Variants in MAP3K11 observed in about 807,000 individuals in gnomAD.
The protein encoded by MAP3K11 is SH3 domain-containing proline-rich kinase.
Under a neutral mutation model 84.9 loss-of-function variants are expected in MAP3K11, and 46 were observed. That is an observed-to-expected ratio of 0.54 (90% CI 0.43 to 0.69). The LOEUF is 0.69. Ranked by LOEUF, MAP3K11 falls within the 30% of genes least tolerant of loss-of-function variation. MAP3K11 has a pLI of 0.00. For missense variants in MAP3K11, 1,053 were observed against 1,198.3 expected, an observed-to-expected ratio of 0.88 and a Z score of 1.79; for synonymous variants, 527 against 514.7, an observed-to-expected ratio of 1.02 and a Z score of -0.32.
rs1590856868 is a variant in MAP3K11, at chr11:65,607,279, T to C, written c.1480A>G (p.Met494Val). 2 of 1,519,790 alleles carry C rather than the reference T, an allele frequency of 1.3e-6. No homozygotes were observed. The highest frequency in any genetic ancestry group is 1.8e-6 in the Non-Finnish European group (2 of 1,142,840). The allele number at this position is 1,519,790 out of a possible 1,614,324, so 94.1% of individuals were successfully genotyped here. A position where few individuals can be genotyped will look rare whatever the true frequency, so the allele number is the denominator to read the frequency against. Residue 494 changes from methionine to valine, a missense_variant, in exon 5 of 10, where the codon ATG (methionine) becomes GTG (valine). By Grantham distance (21) the Met-to-Val change is conservative (BLOSUM62 1). Transcript: ENST00000309100. ...GGGGCCCGGCCCTCACCGAGTGGCA[T>C]GCTGATACGCTCGCCGCCGTCGCGC... Reference protein sequence around the residue: ...RARDGGERISMPLDFKHRITV... With the variant: ...RARDGGERISVPLDFKHRITV...
In MAP3K11 at chr11:65,613,359, CTGTACACCT is replaced by C; in HGVS notation, c.389_397del (p.Lys130_Tyr132del). 6.2e-7 allele frequency: 1 copy of C among 1,613,066 alleles called. No individual in the cohort carries two copies. The highest frequency in any genetic ancestry group is 8.5e-7 in the Non-Finnish European group (1 of 1,179,932). ...CACCAGCTCACCTCGCCAGCTGCCCCTGTACACCTTGCCAAAGCCTCCAATGCCGATCAC... is the reference window on the plus strand; with the variant it reads ...CACCAGCTCACCTCGCCAGCTGCCCCTGCCAAAGCCTCCAATGCCGATCAC... On this transcript the variant is annotated inframe_deletion, in exon 1 of 10. Coordinates refer to ENST00000309100, the MANE Select transcript of MAP3K11 (RefSeq NM_002419.4).
At chr11:65,601,780 G>C (rs1854458542) in intron 8 of MAP3K11, among the ~76,000 whole-genome samples, 1 of 149,850 alleles carries the variant, frequency 6.7e-6, no homozygotes, top group Non-Finnish European at 1.5e-5. Flanking sequence ...GCAAATTCTT[G>C]TTTGATGAAG....
intron 9 of MAP3K11, among the ~76,000 whole-genome samples, chr11:65,599,189 G>GCCC (rs1356933289): frequency 6.6e-6 from 1 of 152,162 alleles, no homozygotes; most frequent in Admixed American, 6.5e-5. Context: ...AGCAGGCATC[G>GCCC]CCCCCACCTG....
rs1435464478 is a variant in MAP3K11, at chr11:65,613,767, C to T, written c.-11G>A. ...CTTCAAGGGCTCCATGGCCGGGAGCCGGCGCTGGGATGTGTGGAGGACCTT... is the reference window on the plus strand; with the variant it reads ...CTTCAAGGGCTCCATGGCCGGGAGCTGGCGCTGGGATGTGTGGAGGACCTT... On this transcript the variant is annotated 5_prime_UTR_variant, in exon 1 of 10. Coordinates refer to ENST00000309100, the MANE Select transcript of MAP3K11 (RefSeq NM_002419.4). 6.5e-7 allele frequency: 1 copy of T among 1,536,084 alleles called. No individual in the cohort carries two copies. The highest frequency in any genetic ancestry group is 8.7e-7 in the Non-Finnish European group (1 of 1,144,222).
rs762110211 is a variant in MAP3K11 at position 65,613,559 on chromosome 11, G to C, written c.198C>G (p.Asp66Glu). 1.2e-6 allele frequency: 2 copies of C among 1,612,148 alleles called. No individual in the cohort carries two copies. Among genetic ancestry groups the C allele is most frequent in the South Asian group, 2.2e-5 (2 of 91,022 alleles). Reference sequence around the variant, plus strand: ...CGTCCCGGGACAGCACCTCCACACGGTCACCCTTCCTCAGGGCCAGCTCAT... The same window carrying C: ...CGTCCCGGGACAGCACCTCCACACGCTCACCCTTCCTCAGGGCCAGCTCAT... The part of the protein sequence containing the change: ...GQDELALRKG[D>E]RVEVLSRDAA... The change falls in exon 1 of 10, where the codon GAC becomes GAG. Residue 66 changes from aspartate to glutamate, a missense_variant. Around this residue, in one of 3 missense-constraint regions of MAP3K11, gnomAD observed 160 missense variants for 167.3 expected, o/e 0.96. Transcript: ENST00000309100.
intron 8 of MAP3K11, among the ~76,000 whole-genome samples, chr11:65,603,396 C>T (rs1020887108): frequency 3.9e-5 from 6 of 152,256 alleles, no homozygotes; most frequent in Admixed American, 1.3e-4. Flanking sequence ...GACACAGCCA[C>T]GTAGTTATTG....
Position 65,613,914 on chromosome 11 carries a change from C to T in MAP3K11, c.-158G>A, listed in dbSNP as rs1854618602. The T allele has an allele frequency of 3.6e-6, 3 of 837,152 alleles. No homozygotes were observed. Among genetic ancestry groups the T allele is most frequent in the Non-Finnish European group, 3.6e-6 (2 of 562,366 alleles). The allele number at this position is 837,152 out of a possible 1,614,324, so 51.9% of individuals were successfully genotyped here. ...CTCTCTGGGGAGCCAGGAGTGTTGT[C>T]TCCCGGCCCCCCGCATCTCGGGCTT... is the stretch of plus-strand genomic sequence containing the variant. On this transcript the variant is annotated 5_prime_UTR_variant, in exon 1 of 10. Coordinates refer to ENST00000309100, the MANE Select transcript of MAP3K11 (RefSeq NM_002419.4).
intron 8 of MAP3K11, among the ~76,000 whole-genome samples, chr11:65,603,682 G>A (rs982074317): frequency 6.6e-5 from 10 of 152,266 alleles, no homozygotes; most frequent in African/African-American, 1.7e-4. Flanking sequence ...CAGATGATGC[G>A]TGGAGTGTGG....
chr11:65,599,299 G>A lies in MAP3K11; in HGVS notation c.2206+95C>T, dbSNP rs536253412. On this transcript the variant is annotated intron_variant, in intron 9 of 9. Transcript: ENST00000309100. ...GGGTCCAGCTGATGACTGTGGTCTC[G>A]GCCTTGCCTCCTTGCATGTCCCCAC... 59 of 1,396,564 alleles carry A rather than the reference G, an allele frequency of 4.2e-5. No individual in the cohort carries two copies. In the African/African-American group the frequency reaches 7.8e-4, roughly 19 times the overall value. 86.5% of individuals were successfully genotyped at this position (1,396,564 alleles called of 1,614,324 possible).
intron 8 of MAP3K11, among the ~76,000 whole-genome samples, chr11:65,604,420 G>T (rs1215058707): frequency 6.6e-6 from 1 of 152,246 alleles, no homozygotes; most frequent in Non-Finnish European, 1.5e-5. Flanking sequence ...CCAGCTCTCA[G>T]TTCAGTCCCT....
Position 65,613,663 on chromosome 11 carries a change from G to T in MAP3K11, c.94C>A (p.Pro32Thr). 1 of 1,612,538 alleles carries T rather than the reference G, an allele frequency of 6.2e-7. No homozygotes were observed. The highest frequency in any genetic ancestry group is 1.7e-5 in the Admixed American group (1 of 60,010). ...CCCGCTGCCTTTGGAGACCCCTCAG[G>T]CCGGCCTCCTCCACCGCCCCCACCA... Reference protein sequence around the residue: ...GGGGGGGGGRPEGSPKAAGYA... With the variant: ...GGGGGGGGGRTEGSPKAAGYA... Residue 32 changes from proline to threonine, a missense_variant, in exon 1 of 10, where the codon CCT (proline) becomes ACT (threonine). Pro to Thr is a conservative substitution (Grantham distance 38). Transcript: ENST00000309100.
Position 65,614,094 on chromosome 11 carries a change from TG to T in MAP3K11, c.-339del, listed in dbSNP as rs1854624253. 3.6e-6 allele frequency: 1 copy of T among 277,722 alleles called. No individual in the cohort carries two copies. 17.2% of individuals were successfully genotyped at this position (277,722 alleles called of 1,614,324 possible). A position where few individuals can be genotyped will look rare whatever the true frequency, so the allele number is the denominator to read the frequency against. On this transcript the variant is annotated 5_prime_UTR_variant, in exon 1 of 10. Coordinates refer to ENST00000309100, the MANE Select transcript of MAP3K11 (RefSeq NM_002419.4). Reference sequence around the variant, plus strand: ...GCTCCGGCCCCCGCCAAGTGTAAGGTGGGGCCTTCAGGGGCAGCGCCTCAAC... The same window carrying T: ...GCTCCGGCCCCCGCCAAGTGTAAGGTGGGCCTTCAGGGGCAGCGCCTCAAC...
At chr11:65,610,746 C>A (rs1343085800) in intron 1 of MAP3K11, 2 of 152,300 alleles carry the variant, frequency 1.3e-5, no homozygotes, top group African/African-American at 2.4e-5. Context: ...GTATCTCAGG[C>A]CGGGTGGCCA....
Position 65,608,033 on chromosome 11 carries a change from C to T in MAP3K11, c.958G>A (p.Val320Met), listed in dbSNP as rs1854532964. ...AGGCAGTCAATGCCACGGTATGGCA[C>T]CTCCCCGGTCAGCAGTTCCCACAGC... The part of the protein sequence containing the change: ...VLLWELLTGE[V>M]PYRGIDCLAV... The change falls in exon 3 of 10, where the codon GTG (valine) becomes ATG (methionine). Residue 320 changes from valine (V) to methionine (M), a missense_variant. By Grantham distance (21) the Val-to-Met change is conservative. Transcript: ENST00000309100. The T allele has an allele frequency of 6.2e-7, 1 of 1,614,078 alleles. No homozygotes were observed. The highest frequency in any genetic ancestry group is 1.3e-5 in the African/African-American group (1 of 74,944).
At chr11:65,601,058 A>G (rs1175263395) in intron 8 of MAP3K11, among the ~76,000 whole-genome samples, 5 of 152,038 alleles carry the variant, frequency 3.3e-5, no homozygotes, top group African/African-American at 4.8e-5. Flanking sequence ...ACTACCCATC[A>G]CTTCCAGCTT....
chr11:65,600,245 A>T (rs1042658307), intron 8 of MAP3K11, among the ~76,000 whole-genome samples: 11 of 152,096 alleles, frequency 7.2e-5, no homozygotes, highest in Admixed American at 6.5e-4. Context: ...CACACAGTCA[A>T]CTCTAAGGTA....
rs768688511 is a variant in MAP3K11 at position 65,607,991 on chromosome 11, C to T, written c.1000G>A (p.Val334Ile). ...GIDCLAVAYG[V>I]AVNKLTLPIP... ...GGCAGTGTGAGCTTGTTAACAGCTACGCCATAGGCCACAGCAAGGCAGTCA... is the reference window on the plus strand; with the variant it reads ...GGCAGTGTGAGCTTGTTAACAGCTATGCCATAGGCCACAGCAAGGCAGTCA... The change falls in exon 3 of 10, where the codon GTA (valine) becomes ATA (isoleucine). Residue 334 changes from valine to isoleucine, a missense_variant. This residue lies in a region of MAP3K11 where 310 missense variants were observed against 464.5 expected (regional missense o/e 0.67). Transcript: ENST00000309100. The T allele has an allele frequency of 9.3e-6, 15 of 1,614,080 alleles. No homozygotes were observed. Among genetic ancestry groups the T allele is most frequent in the Non-Finnish European group, 1.1e-5 (13 of 1,180,048 alleles).
At chr11:65,606,903 G>C (rs962835244) in intron 5 of MAP3K11, 99 bp from the exon 6 acceptor site, 7 of 752,500 alleles carry the variant, frequency 9.3e-6, no homozygotes, top group Non-Finnish European at 1.1e-5. Context: ...AGGCCACATA[G>C]GGAGCGGCAC....
At chr11:65,608,092 T>C in intron 2 of MAP3K11, 22 bp from the exon 3 acceptor site, 6 of 1,609,934 alleles carry the variant, frequency 3.7e-6, no homozygotes, top group Non-Finnish European at 5.1e-6. Flanking sequence ...ACAACAGGTC[T>C]GTGTTCCCTT....
Sources: allele counts gnomAD v4.1 joint callset (sites outside exome capture counted in the v4.1 genomes callset), GRCh38; gene constraint gnomAD v4.1.1; regional missense constraint gnomAD v4.1.1; transcripts MANE v1.5; gene names NCBI Gene and HGNC (gene_info 2026-07-23, HGNC 2026-07-21).